Variants in SLC25A48 observed in about 807,000 individuals in gnomAD.
The protein encoded by SLC25A48 is CTC-321K16.1.
SLC25A48 carries 29 observed loss-of-function variants against 32.2 expected under a neutral mutation model. That is an observed-to-expected ratio of 0.90 (90% CI 0.67 to 1.23). SLC25A48 has a LOEUF of 1.23. SLC25A48 is among the 50% of genes most tolerant of loss of function. The probability of loss-of-function intolerance (pLI) is 0.00; values close to 1 mark genes in which losing one functional copy is unlikely to be tolerated. For missense variants in SLC25A48, 399 were observed against 422.7 expected, an observed-to-expected ratio of 0.94 and a Z score of 0.49; for synonymous variants, 164 against 172.3, an observed-to-expected ratio of 0.95 and a Z score of 0.38.
At chr5:135,657,038 C>CTG (rs1753268298) in intron 3 of SLC25A48, among the ~76,000 whole-genome samples, 1 of 152,202 alleles carries the variant, frequency 6.6e-6, no homozygotes, top group African/African-American at 2.4e-5. Flanking sequence ...CCTCCACCCT[C>CTG]TGGGAGCACC....
At chr5:135,888,003 T>A in intron 7 of SLC25A48, 29 bp from the exon 8 acceptor site, 1 of 1,549,492 alleles carries the variant, frequency 6.5e-7, no homozygotes, top group Non-Finnish European at 8.7e-7. Context: ...TGCCTTCTTC[T>A]CTGAGTCTGG....
intron 3 of SLC25A48, among the ~76,000 whole-genome samples, chr5:135,790,193 A>G (rs1580882979): frequency 3.3e-5 from 5 of 151,858 alleles, no homozygotes; most frequent in Admixed American, 6.6e-5. Flanking sequence ...ATTCATAATA[A>G]TCTAGGGGGA....
intron 3 of SLC25A48, chr5:135,742,563 T>G (rs1165425799): frequency 1.5e-6 from 2 of 1,349,538 alleles, no homozygotes; most frequent in Non-Finnish European, 2.1e-6. Flanking sequence ...TTTATGGTTT[T>G]CATTTTCTCT....
At chr5:135,771,127 C>T (rs1756398556) in intron 3 of SLC25A48, among the ~76,000 whole-genome samples, 1 of 150,750 alleles carries the variant, frequency 6.6e-6, no homozygotes, top group Non-Finnish European at 1.5e-5. Context: ...GATGTTTCTC[C>T]TAATATTCAG....
rs542631973 is a variant in SLC25A48, at chr5:135,835,853, C to A, written c.46+960C>A. Among the ~76,000 whole-genome samples the A allele has an allele frequency of 3.0e-4, 45 of 152,232 alleles. No homozygotes were observed. In the East Asian group the frequency reaches 8.1e-3, roughly 28 times the overall value. On this transcript the variant is annotated intron_variant, in intron 1 of 7. Coordinates refer to ENST00000681962, the MANE Select transcript of SLC25A48 (RefSeq NM_001349336.2). ...CCCCTCCTACCTAGCAGGAGACCAC[C>A]TCTCTCCCGAGACCGGTGGCTGCAG...
intron 3 of SLC25A48, among the ~76,000 whole-genome samples, chr5:135,777,543 AT>A (rs910316308): frequency 2.6e-5 from 4 of 151,320 alleles, no homozygotes; most frequent in African/African-American, 7.3e-5. Flanking sequence ...ACTCCCTGTG[AT>A]TTTTTTTAAT....
At chr5:135,681,576 T>A (rs1225904474) in intron 3 of SLC25A48, among the ~76,000 whole-genome samples, 1 of 152,226 alleles carries the variant, frequency 6.6e-6, no homozygotes, top group East Asian at 1.9e-4. Context: ...TCCTGATATG[T>A]GTAGTATTAT....
chr5:135,757,637 A>C (rs192379114), intron 3 of SLC25A48, among the ~76,000 whole-genome samples: 36 of 149,746 alleles, frequency 2.4e-4, no homozygotes, highest in African/African-American at 7.5e-4. Flanking sequence ...CTAGATATTA[A>C]TAAAAACATC....
intron 3 of SLC25A48, among the ~76,000 whole-genome samples, chr5:135,663,193 C>A (rs752742170): frequency 1.3e-5 from 2 of 152,182 alleles, no homozygotes; most frequent in Non-Finnish European, 2.9e-5. Flanking sequence ...CCTGGTTTTC[C>A]TTCTCTGAGT....
chr5:135,810,710 G>C (rs1580904206), intron 3 of SLC25A48, among the ~76,000 whole-genome samples: 1 of 152,182 alleles, frequency 6.6e-6, no homozygotes, highest in Non-Finnish European at 1.5e-5. Context: ...TGTGCCAGGG[G>C]CCTCTTGATA....
intron 4 of SLC25A48, among the ~76,000 whole-genome samples, chr5:135,871,134 A>G (rs1761612910): frequency 6.6e-6 from 1 of 151,520 alleles, no homozygotes; most frequent in Admixed American, 6.6e-5. Context: ...TTCTAGCTTC[A>G]AAGAAGAGCT....
chr5:135,632,277 G>A (rs999732733), intron 2 of SLC25A48, among the ~76,000 whole-genome samples: 14 of 152,196 alleles, frequency 9.2e-5, no homozygotes, highest in African/African-American at 3.4e-4. Flanking sequence ...TGCTGTCTTA[G>A]AAGACTGACT....
intron 3 of SLC25A48, among the ~76,000 whole-genome samples, chr5:135,695,855 G>A (rs899891306): frequency 6.6e-6 from 1 of 152,210 alleles, no homozygotes; most frequent in Non-Finnish European, 1.5e-5. Context: ...ATGGGAGGGA[G>A]GTCAGCTCTT....
intron 4 of SLC25A48, among the ~76,000 whole-genome samples, chr5:135,865,352 G>T (rs981224923): frequency 4.3e-4 from 65 of 152,224 alleles, no homozygotes; most frequent in Non-Finnish European, 4.0e-4. Context: ...TGATCTGAGG[G>T]GTCCACCAGC....
chr5:135,669,600 A>G (rs1320757934), intron 3 of SLC25A48, among the ~76,000 whole-genome samples: 1 of 152,178 alleles, frequency 6.6e-6, no homozygotes, highest in Non-Finnish European at 1.5e-5. Context: ...TTTTATCACC[A>G]TGCCCACCAT....
chr5:135,833,453 C>G (rs1758281163), upstream of SLC25A48, among the ~76,000 whole-genome samples: 1 of 152,232 alleles, frequency 6.6e-6, no homozygotes, highest in South Asian at 2.1e-4. Context: ...TAAAAGGCCA[C>G]TCTTCAGAGA....
chr5:135,883,230 G>A, intron 7 of SLC25A48: 1 of 985,452 alleles, frequency 1.0e-6, no homozygotes, highest in Non-Finnish European at 1.2e-6. Flanking sequence ...CCCCGGCTGG[G>A]GCAGCGGAGC....
chr5:135,701,654 G>C (rs896539193), intron 3 of SLC25A48, among the ~76,000 whole-genome samples: 2 of 152,204 alleles, frequency 1.3e-5, no homozygotes, highest in Non-Finnish European at 2.9e-5. Context: ...CATGGCCTTT[G>C]ATAGTGTCTG....
chr5:135,749,390 G>T (rs1358885484), intron 3 of SLC25A48, among the ~76,000 whole-genome samples: 1 of 151,846 alleles, frequency 6.6e-6, no homozygotes, highest in Non-Finnish European at 1.5e-5. Flanking sequence ...ACCTGGGATG[G>T]AATTTTCCAT....
Sources: allele counts gnomAD v4.1 joint callset (sites outside exome capture counted in the v4.1 genomes callset), GRCh38; gene constraint gnomAD v4.1.1; transcripts MANE v1.5; gene names NCBI Gene and HGNC (gene_info 2026-07-23, HGNC 2026-07-21).